STIM1: variants seen among roughly 807,000 people sequenced by gnomAD.
STIM1 encodes stromal interaction molecule 1.
A neutral mutation model predicts 74.7 loss-of-function variants in STIM1; 25 were observed. The observed-to-expected ratio is 0.33, with a 90% confidence interval of 0.24 to 0.47. The LOEUF (loss-of-function observed/expected upper bound fraction) is 0.47. Among genes scored for constraint, STIM1 ranks in the 20% least tolerant of loss-of-function variants. STIM1 has a pLI of 1.00. For missense variants in STIM1, 728 were observed against 920.8 expected (o/e 0.79, Z 2.71); for synonymous variants, 328 against 348.8 (o/e 0.94, Z 0.66).
At chr11:4,025,407 C>CT (rs1245421818) in intron 3 of STIM1, among the ~76,000 whole-genome samples, 5 of 152,178 alleles carry the variant, frequency 3.3e-5, no homozygotes, top group African/African-American at 1.2e-4. Context: ...TCTTTGGAAG[C>CT]TGAGTTCCTT....
chr11:4,033,086 T>C (rs2094065772), intron 3 of STIM1, among the ~76,000 whole-genome samples: 1 of 152,018 alleles, frequency 6.6e-6, no homozygotes, highest in African/African-American at 2.4e-5. Flanking sequence ...GGCTAGCCAG[T>C]TTTCCCAGCA....
At chr11:3,967,373 C>T (rs775409359) in intron 1 of STIM1, among the ~76,000 whole-genome samples, 179 bp from the exon 2 acceptor site, 33 of 152,124 alleles carry the variant, frequency 2.2e-4, no homozygotes, top group Non-Finnish European at 1.2e-4. Context: ...TGGGGGAGCT[C>T]AGCATTTTCT....
intron 2 of STIM1, among the ~76,000 whole-genome samples, 153 bp from the exon 3 acceptor site, chr11:4,023,720 G>A (rs990071778): frequency 1.3e-5 from 2 of 152,214 alleles, no homozygotes. Context: ...ACTAAGACAT[G>A]TGCATAAGGA....
At chr11:4,082,469 G>A (rs1446946045) in intron 8 of STIM1, 118 bp downstream of exon 8, 2 of 1,115,548 alleles carry the variant, frequency 1.8e-6, no homozygotes, top group East Asian at 2.6e-5. Flanking sequence ...AGATATCCTG[G>A]TGGTGGGTTC....
At chr11:3,895,608 C>CTCTCTTTCTTTCTTTCTTTCTTTCTT (rs1565104460) in intron 1 of STIM1, among the ~76,000 whole-genome samples, 5 of 53,124 alleles carry the variant, frequency 9.4e-5, no homozygotes, top group Non-Finnish European at 1.3e-4. Context: ...TTCTTTCTCT[C>CTCTCTTTCTTTCTTTCTTTCTTTCTT]TCTTTCTTTC....
chr11:4,074,568 G>T lies in STIM1; in HGVS notation c.858G>T (p.Leu286=). Reference sequence around the variant, plus strand: ...AGAAGGTCCATCTGGAAAAGAAGCTGCGCGATGAGATCAACCTTGCTAAGC... The same window carrying T: ...AGAAGGTCCATCTGGAAAAGAAGCTTCGCGATGAGATCAACCTTGCTAAGC... ...EVEKVHLEKK[L]RDEINLAKQE... The change falls in exon 7 of 13, where the codon CTG becomes CTT. Residue 286 remains leucine, a synonymous_variant. Coordinates refer to ENST00000526596, the MANE Select transcript of STIM1 (RefSeq NM_001382567.1). The T allele has an allele frequency of 6.2e-7, 1 of 1,614,124 alleles. No homozygotes were observed. The highest frequency in any genetic ancestry group is 8.5e-7 in the Non-Finnish European group (1 of 1,180,012).
intron 1 of STIM1, among the ~76,000 whole-genome samples, chr11:3,925,856 TG>T (rs1029946234): frequency 6.6e-6 from 1 of 152,230 alleles, no homozygotes; most frequent in Non-Finnish European, 1.5e-5. Context: ...AATGTTTTGC[TG>T]ACATCTGATT....
intron 1 of STIM1, among the ~76,000 whole-genome samples, chr11:3,891,447 C>T (rs1476986953): frequency 1.3e-5 from 2 of 152,124 alleles, no homozygotes; most frequent in East Asian, 3.9e-4. Flanking sequence ...CACATGCCAC[C>T]ATATCCGGCT....
At chr11:3,897,699 G>A (rs1565106416) in intron 1 of STIM1, among the ~76,000 whole-genome samples, 1 of 148,614 alleles carries the variant, frequency 6.7e-6, no homozygotes, top group Non-Finnish European at 1.5e-5. Context: ...AGAGTGTGAT[G>A]TTCCCCTTCC....
intron 1 of STIM1, among the ~76,000 whole-genome samples, chr11:3,880,725 G>A (rs2091469265): frequency 6.6e-6 from 1 of 152,016 alleles, no homozygotes; most frequent in South Asian, 2.1e-4. Flanking sequence ...GGCCTCCCTG[G>A]TCACCCAGCC....
At chr11:3,914,765 A>G (rs2092618943) in intron 1 of STIM1, among the ~76,000 whole-genome samples, 1 of 152,192 alleles carries the variant, frequency 6.6e-6, no homozygotes, top group African/African-American at 2.4e-5. Flanking sequence ...GGAGTGTATC[A>G]TAGGAGTGGA....
chr11:3,953,339 G>A (rs2093171286), intron 1 of STIM1, among the ~76,000 whole-genome samples: 1 of 152,200 alleles, frequency 6.6e-6, no homozygotes, highest in Admixed American at 6.5e-5. Flanking sequence ...CCTGTTTGGG[G>A]AATGGTTCAA....
chr11:3,875,478 C>A (rs1043614271), intron 1 of STIM1, among the ~76,000 whole-genome samples: 1 of 152,150 alleles, frequency 6.6e-6, no homozygotes, highest in Non-Finnish European at 1.5e-5. Context: ...GTAATCCCAG[C>A]ACTTTGGGAG....
intron 2 of STIM1, among the ~76,000 whole-genome samples, chr11:4,022,823 A>G (rs2093968398): frequency 6.6e-6 from 1 of 152,208 alleles, no homozygotes; most frequent in African/African-American, 2.4e-5. Context: ...CAGGCTTCTT[A>G]CATTTTGACT....
At chr11:3,954,513 A>T (rs770555956) in intron 1 of STIM1, among the ~76,000 whole-genome samples, 1 of 152,230 alleles carries the variant, frequency 6.6e-6, no homozygotes, top group Non-Finnish European at 1.5e-5. Context: ...ATTATCACAG[A>T]AATAATTACT....
At chr11:3,923,836 T>A (rs1001010521) in intron 1 of STIM1, among the ~76,000 whole-genome samples, 1 of 152,100 alleles carries the variant, frequency 6.6e-6, no homozygotes, top group Non-Finnish European at 1.5e-5. Flanking sequence ...TCCTTGGTAT[T>A]TCTATGTGAA....
At chr11:3,897,374 T>A (rs1653285061) in intron 1 of STIM1, among the ~76,000 whole-genome samples, 1 of 152,212 alleles carries the variant, frequency 6.6e-6, no homozygotes. Context: ...CTTATTGCGA[T>A]GGAGAAGATG....
chr11:4,010,801 T>C (rs1257354773), intron 2 of STIM1, among the ~76,000 whole-genome samples: 1 of 152,162 alleles, frequency 6.6e-6, no homozygotes, highest in African/African-American at 2.4e-5. Flanking sequence ...ACATATGCCA[T>C]GTTGGTTTAC....
chr11:4,002,254 A>T (rs2093725618), intron 2 of STIM1, among the ~76,000 whole-genome samples: 1 of 151,772 alleles, frequency 6.6e-6, no homozygotes, highest in Non-Finnish European at 1.5e-5. Context: ...ACATCTACAG[A>T]ACTCTCCACC....
Sources: allele counts gnomAD v4.1 joint callset (sites outside exome capture counted in the v4.1 genomes callset), GRCh38; gene constraint gnomAD v4.1.1; transcripts MANE v1.5; gene names NCBI Gene and HGNC (gene_info 2026-07-23, HGNC 2026-07-21).